Variants in C10orf105 observed in about 807,000 individuals in gnomAD.
C10orf105 encodes uncharacterized protein C10orf105.
A neutral mutation model predicts 0.6 loss-of-function variants in C10orf105; 2 were observed. The observed-to-expected ratio is 3.18, with a 90% CI of 1.30 to 10.01. The LOEUF (loss-of-function observed/expected upper bound fraction) is 10.01. Ranked by LOEUF, C10orf105 falls within the 30% of genes most tolerant of loss-of-function variation. The pLI is 0.04. For missense variants in C10orf105, 209 were observed against 191.4 expected, an observed-to-expected ratio of 1.09 and a Z score of -0.54; for synonymous variants, 95 against 82.4, an observed-to-expected ratio of 1.15 and a Z score of -0.83.
rs576266614 is a variant in C10orf105 at position 71,712,322 on chromosome 10, G to T, written c.*3614C>A. ...AAATTAATCTTCACAGGTTCCCAGG[G>T]GTTTAACATGGGTCTGTTTTTTTTG... On this transcript the variant is annotated 3_prime_UTR_variant, in exon 2 of 2. Transcript: ENST00000441508. The T allele has an allele frequency of 1.3e-5, 3 of 235,246 alleles. No homozygotes were observed. In the South Asian group the frequency reaches 3.0e-4, roughly 23 times the overall value. The allele number at this position is 235,246 out of a possible 1,614,324, so 14.6% of individuals were successfully genotyped here. A position where few individuals can be genotyped will look rare whatever the true frequency, so the allele number is the denominator to read the frequency against.
chr10:71,720,775 T>C (rs1866521285), upstream of C10orf105, among the ~76,000 whole-genome samples: 1 of 152,190 alleles, frequency 6.6e-6, no homozygotes, highest in African/African-American at 2.4e-5. Flanking sequence ...CTAACTCCTC[T>C]TCTGAGAGAA....
intron 1 of C10orf105, among the ~76,000 whole-genome samples, chr10:71,726,867 C>T (rs1372178586): frequency 6.6e-6 from 1 of 152,224 alleles, no homozygotes; most frequent in Non-Finnish European, 1.5e-5. Flanking sequence ...CTGCCTCCTC[C>T]CATCAGTGCC....
At chr10:71,724,154 G>A (rs1336694014), upstream of C10orf105, 42 of 1,541,736 alleles carry the variant, frequency 2.7e-5, no homozygotes, top group Middle Eastern at 5.0e-4. Flanking sequence ...GCCCAGGGGA[G>A]GGCAGAGCTT....
rs1866031570 is a variant in C10orf105 at position 71,712,799 on chromosome 10, C to T, written c.*3137G>A. ...CGTCCCTGAGGACATCCCTGAAGGCCACAGCATCTTGCAGGCAGGTGGCCC... is the reference window on the plus strand; with the variant it reads ...CGTCCCTGAGGACATCCCTGAAGGCTACAGCATCTTGCAGGCAGGTGGCCC... On this transcript the variant is annotated 3_prime_UTR_variant, in exon 2 of 2. Coordinates refer to ENST00000441508, the MANE Select transcript of C10orf105 (RefSeq NM_001164375.3). 1.2e-6 allele frequency: 2 copies of T among 1,612,292 alleles called. No homozygotes were observed. The highest frequency in any genetic ancestry group is 1.3e-5 in the African/African-American group (1 of 74,930).
intron 1 of C10orf105, chr10:71,737,695 C>G (rs1326197510): frequency 2.1e-6 from 1 of 470,350 alleles, no homozygotes; most frequent in Non-Finnish European, 4.4e-6. Context: ...CCTCCAACCC[C>G]CCTCACACCC....
chr10:71,734,339 G>T (rs747086873), intron 1 of C10orf105: 8 of 1,604,464 alleles, frequency 5.0e-6, no homozygotes, highest in Non-Finnish European at 6.8e-6. Context: ...GGACTCCACC[G>T]TGGTGAGTGG....
Position 71,732,201 on chromosome 10 carries a change from C to T in C10orf105, c.-6+5527G>A, listed in dbSNP as rs755105731. ...CTCTGCTCAACGAGCTGGACGAGGC[C>T]GTGCAGTTCTCCAATGCCTCATACG... is the stretch of plus-strand genomic sequence containing the variant. On this transcript the variant is annotated intron_variant, in intron 1 of 1. Coordinates refer to the C10orf105 transcript ENST00000398786. The T allele has an allele frequency of 6.2e-6, 10 of 1,613,700 alleles. No individual in the cohort carries two copies. Among genetic ancestry groups the T allele is most frequent in the African/African-American group, 4.0e-5 (3 of 74,904 alleles).
intron 1 of C10orf105, chr10:71,716,661 T>C: frequency 3.9e-6 from 1 of 258,758 alleles, no homozygotes; most frequent in Non-Finnish European, 7.3e-6. Context: ...CACAGGGTCT[T>C]AGGCCTGGAA....
upstream of C10orf105, among the ~76,000 whole-genome samples, chr10:71,721,348 A>G (rs1260469437): frequency 6.6e-6 from 1 of 152,178 alleles, no homozygotes; most frequent in Non-Finnish European, 1.5e-5. Context: ...ATAAATCCAG[A>G]GGGCTCTCTG....
chr10:71,728,930 A>G (rs1866934899), intron 1 of C10orf105, among the ~76,000 whole-genome samples: 1 of 152,020 alleles, frequency 6.6e-6, no homozygotes, highest in Admixed American at 6.6e-5. Flanking sequence ...TCCTGGGCTC[A>G]AGCGATCCTC....
intron 1 of C10orf105, among the ~76,000 whole-genome samples, chr10:71,719,319 G>A (rs1379558580): frequency 6.6e-6 from 1 of 152,164 alleles, no homozygotes; most frequent in Non-Finnish European, 1.5e-5. Flanking sequence ...GGCAGTTGAA[G>A]CCACTCCCTT....
intron 1 of C10orf105, among the ~76,000 whole-genome samples, chr10:71,726,345 C>T (rs1208409943): frequency 2.0e-5 from 3 of 152,156 alleles, no homozygotes; most frequent in Non-Finnish European, 4.4e-5. Context: ...CTTATCAGCC[C>T]CATCTCCACC....
chr10:71,731,722 G>A (rs986259966), intron 1 of C10orf105, among the ~76,000 whole-genome samples: 25 of 152,172 alleles, frequency 1.6e-4, no homozygotes, highest in African/African-American at 6.0e-4. Context: ...TGAGGCTCCA[G>A]GAGCAGACCC....
chr10:71,731,891 G>A, intron 1 of C10orf105: 1 of 1,369,344 alleles, frequency 7.3e-7, no homozygotes. Flanking sequence ...TGCTGGGTGG[G>A]CCACCCAGGG....
At chr10:71,727,224 T>A (rs1158300831) in intron 1 of C10orf105, among the ~76,000 whole-genome samples, 2 of 152,162 alleles carry the variant, frequency 1.3e-5, no homozygotes, top group Admixed American at 1.3e-4. Flanking sequence ...TTGTTCAGGG[T>A]CACACAGCGG....
intron 1 of C10orf105, among the ~76,000 whole-genome samples, chr10:71,729,585 G>A (rs1056409045): frequency 1.3e-5 from 2 of 152,224 alleles, no homozygotes; most frequent in Non-Finnish European, 2.9e-5. Context: ...GTGCAGTGGG[G>A]TGGGGTTGGT....
intron 1 of C10orf105, among the ~76,000 whole-genome samples, chr10:71,736,771 G>A (rs748870991): frequency 3.3e-5 from 5 of 152,202 alleles, no homozygotes; most frequent in Non-Finnish European, 7.3e-5. Flanking sequence ...ACCAAAATTA[G>A]ACATATCCCT....
Position 71,712,706 on chromosome 10 carries a change from G to C in C10orf105, c.*3230C>G. The C allele has an allele frequency of 1.2e-6, 2 of 1,613,722 alleles. No homozygotes were observed. The highest frequency in any genetic ancestry group is 1.7e-6 in the Non-Finnish European group (2 of 1,179,882). ...GAAGCGACACACGGGCACAGCCACC[G>C]TGTTCGTCACTGTCCTGGATGTGAA... On this transcript the variant is annotated 3_prime_UTR_variant, in exon 2 of 2. Transcript: ENST00000441508.
At chr10:71,722,684 T>G (rs1866614192), upstream of C10orf105, among the ~76,000 whole-genome samples, 1 of 152,130 alleles carries the variant, frequency 6.6e-6, no homozygotes, top group South Asian at 2.1e-4. Context: ...TCATATGCAG[T>G]GCTCAGGGAG....
Sources: allele counts gnomAD v4.1 joint callset (sites outside exome capture counted in the v4.1 genomes callset), GRCh38; gene constraint gnomAD v4.1.1; transcripts MANE v1.5; gene names NCBI Gene and HGNC (gene_info 2026-07-23, HGNC 2026-07-21).